The following WDR12 variants were observed in gnomAD, a reference collection of about 807,000 sequenced individuals.
WDR12 encodes the protein ribosome biogenesis protein WDR12.
WDR12 carries 42 observed loss-of-function variants against 64.3 expected under a neutral mutation model. The ratio of observed to expected loss-of-function variants is 0.65; its 90% CI spans 0.51 to 0.84. The LOEUF (loss-of-function observed/expected upper bound fraction) is 0.84, where lower values mean the gene tolerates loss of function less well. Ranked by LOEUF, WDR12 falls within the 40% of genes least tolerant of loss-of-function variation. The pLI, the probability that WDR12 is intolerant of heterozygous loss-of-function variation, is 0.00. For missense variants in WDR12, 469 were observed against 494.6 expected (o/e 0.95, Z 0.49); for synonymous variants, 158 against 173.3 (o/e 0.91, Z 0.70).
chr2:202,884,285 T>TA lies in WDR12; in HGVS notation c.900dup (p.Asn301Ter). Reference sequence around the variant, plus strand: ...CAAAGTGGAGAATAGGAAATACAATTAAACACTTTATTTCCTGTCTGAAAA... The same window carrying TA: ...CAAAGTGGAGAATAGGAAATACAATTAAAACACTTTATTTCCTGTCTGAAAA... On this transcript the variant is annotated frameshift_variant, in exon 10 of 13. Transcript: ENST00000261015. LOFTEE classifies it high-confidence loss of function. 2 of 1,614,082 alleles carry TA rather than the reference T, an allele frequency of 1.2e-6. No individual in the cohort carries two copies. The highest frequency in any genetic ancestry group is 1.7e-6 in the Non-Finnish European group (2 of 1,179,992).
chr2:202,889,022 C>T (rs1423734259), intron 8 of WDR12, among the ~76,000 whole-genome samples: 5 of 152,100 alleles, frequency 3.3e-5, no homozygotes, highest in Admixed American at 6.6e-5. Flanking sequence ...TTATTTCTAA[C>T]GCAGCAACAT....
chr2:202,886,361 C>T (rs1688048440), intron 8 of WDR12, among the ~76,000 whole-genome samples: 1 of 151,834 alleles, frequency 6.6e-6, no homozygotes, highest in South Asian at 2.1e-4. Context: ...GAGAGGCTTA[C>T]ATGGGAGGAT....
intron 3 of WDR12, among the ~76,000 whole-genome samples, 165 bp from the exon 4 acceptor site, chr2:202,899,802 C>T (rs1169470483): frequency 1.1e-4 from 16 of 152,076 alleles, no homozygotes; most frequent in Admixed American, 9.8e-4. Flanking sequence ...CTTTATTTGA[C>T]CTAACTGTAA....
In WDR12 at chr2:202,874,611, A is replaced by T. The variant is rs1687825009; in HGVS notation, c.*6249T>A. On this transcript the variant is annotated 3_prime_UTR_variant, in exon 13 of 13. Transcript: ENST00000261015. ...AAGGATTAGAGGTCTATTGAATCTG[A>T]CATCACACAAAAAGCTCTATTTCTT... 6.6e-6 allele frequency among the ~76,000 whole-genome samples: 1 copy of T among 152,202 alleles called. No homozygotes were observed. The highest frequency in any genetic ancestry group is 2.1e-4 in the South Asian group (1 of 4,830).
chr2:202,888,893 A>G (rs1222124052), intron 8 of WDR12, among the ~76,000 whole-genome samples: 3 of 152,006 alleles, frequency 2.0e-5, no homozygotes, highest in African/African-American at 7.3e-5. Context: ...TTAAATTTTT[A>G]GAGATGGGGT....
chr2:202,903,485 A>G (rs142105698), intron 2 of WDR12, among the ~76,000 whole-genome samples: 14 of 90,532 alleles, frequency 1.5e-4, no homozygotes, highest in East Asian at 1.3e-3. Context: ...GGAAGGAAGG[A>G]AGGAAGGAAG....
rs907105566 is a variant in WDR12, at chr2:202,894,482, G to C, written c.655+99C>G. ...AGTGATCCTTCTACCCTGGCTTCCT[G>C]AAGTGCTGAGATTATAGGCGTAAGC... On this transcript the variant is annotated intron_variant, in intron 7 of 12. Coordinates refer to ENST00000261015, the MANE Select transcript of WDR12 (RefSeq NM_018256.4). 2.5e-5 allele frequency: 26 copies of C among 1,027,436 alleles called. No individual in the cohort carries two copies. The South Asian group carries it at 4.7e-4, about 18-fold the overall frequency. The allele number at this position is 1,027,436 out of a possible 1,614,324, so 63.6% of individuals were successfully genotyped here. A position where few individuals can be genotyped will look rare whatever the true frequency, so the allele number is the denominator to read the frequency against.
At position 202,874,589 on chromosome 2, in the gene WDR12, G is replaced by A. The variant is rs903386802; in HGVS notation, c.*6271C>T. Among the ~76,000 whole-genome samples the A allele has an allele frequency of 6.6e-6, 1 of 152,168 alleles. No homozygotes were observed. The highest frequency in any genetic ancestry group is 2.4e-5 in the African/African-American group (1 of 41,436). On this transcript the variant is annotated 3_prime_UTR_variant, in exon 13 of 13. Coordinates refer to ENST00000261015, the MANE Select transcript of WDR12 (RefSeq NM_018256.4). ...TACTGTTTTGTACTGTTTTACTAAGGATTAGAGGTCTATTGAATCTGACAT... is the reference window on the plus strand; with the variant it reads ...TACTGTTTTGTACTGTTTTACTAAGAATTAGAGGTCTATTGAATCTGACAT...
intron 2 of WDR12, among the ~76,000 whole-genome samples, chr2:202,902,062 T>C (rs577963272): frequency 1.3e-5 from 2 of 152,332 alleles, no homozygotes; most frequent in South Asian, 4.1e-4. Context: ...TGAGAACCAA[T>C]ACTGTACTTA....
At position 202,911,640 on chromosome 2, in the gene WDR12, C is replaced by G. The variant is rs1574416233; in HGVS notation, c.-164G>C. On this transcript the variant is annotated 5_prime_UTR_variant, in exon 1 of 13. Coordinates refer to ENST00000261015, the MANE Select transcript of WDR12 (RefSeq NM_018256.4). ...TGGACTCTGCCTTCTGCCCTCCGGTCTCCTCTGCAGAAAGCACGAGGTTGC... is the reference window on the plus strand; with the variant it reads ...TGGACTCTGCCTTCTGCCCTCCGGTGTCCTCTGCAGAAAGCACGAGGTTGC... 2 of 676,780 alleles carry G rather than the reference C, an allele frequency of 3.0e-6. No homozygotes were observed. Among genetic ancestry groups the G allele is most frequent in the African/African-American group, 1.8e-5 (1 of 56,340 alleles). 41.9% of individuals were successfully genotyped at this position (676,780 alleles called of 1,614,324 possible). A position where few individuals can be genotyped will look rare whatever the true frequency, so the allele number is the denominator to read the frequency against.
intron 12 of WDR12, among the ~76,000 whole-genome samples, chr2:202,882,364 T>C (rs999010923): frequency 5.3e-5 from 8 of 152,074 alleles, no homozygotes; most frequent in African/African-American, 1.9e-4. Flanking sequence ...AGATGGAGTC[T>C]ATCTCCCAGG....
chr2:202,883,370 A>G, intron 11 of WDR12: 1 of 393,420 alleles, frequency 2.5e-6, no homozygotes, highest in South Asian at 3.0e-5. Flanking sequence ...ACCCAGCCTC[A>G]GGTGATCTGC....
In WDR12 at chr2:202,878,080, G is replaced by C. The variant is rs139734789; in HGVS notation, c.*2780C>G. 7.7e-4 allele frequency: 117 copies of C among 152,268 alleles called. No homozygotes were observed. Among genetic ancestry groups the C allele is most frequent in the African/African-American group, 2.4e-3 (98 of 41,522 alleles). The allele number at this position is 152,268 out of a possible 1,614,324, so 9.4% of individuals were successfully genotyped here. ...CAGGGATTGATCAGAGACAATACTT[G>C]TCCAAGAGACTTGGTCACTTACATT... On this transcript the variant is annotated 3_prime_UTR_variant, in exon 13 of 13. Coordinates refer to ENST00000261015, the MANE Select transcript of WDR12 (RefSeq NM_018256.4).
intron 4 of WDR12, among the ~76,000 whole-genome samples, chr2:202,897,898 A>T (rs1265074029): frequency 4.4e-5 from 2 of 45,384 alleles, no homozygotes; most frequent in Non-Finnish European, 1.1e-4. Context: ...CAAAAAAAAA[A>T]AAAAAAAAAA....
intron 2 of WDR12, among the ~76,000 whole-genome samples, chr2:202,906,483 A>G (rs1033260646): frequency 6.6e-6 from 1 of 152,234 alleles, no homozygotes. Context: ...AATACTACAC[A>G]TTAGTTTATA....
Position 202,911,578 on chromosome 2 carries a change from A to T in WDR12, c.-102T>A. On this transcript the variant is annotated 5_prime_UTR_variant, in exon 1 of 13. Coordinates refer to ENST00000261015, the MANE Select transcript of WDR12 (RefSeq NM_018256.4). The stretch of plus-strand genomic sequence containing the variant: ...GACTACAAAGAGGCAGCTCAAAATT[A>T]GACTGCACAGGTAAGCGAGGAACTG... The T allele has an allele frequency of 9.3e-7, 1 of 1,077,538 alleles. No individual in the cohort carries two copies. Among genetic ancestry groups the T allele is most frequent in the East Asian group, 2.4e-5 (1 of 42,392 alleles). The allele number at this position is 1,077,538 out of a possible 1,614,324, so 66.7% of individuals were successfully genotyped here.
At chr2:202,898,079 A>T (rs13028773) in intron 4 of WDR12, among the ~76,000 whole-genome samples, 1 of 27,768 alleles carries the variant, frequency 3.6e-5, no homozygotes, top group African/African-American at 6.5e-5. Context: ...AACCACCCCC[A>T]CCCAAAAAAA....
intron 11 of WDR12, chr2:202,883,366 C>G (rs771208474): frequency 2.6e-6 from 1 of 386,590 alleles, no homozygotes; most frequent in Non-Finnish European, 4.8e-6. Flanking sequence ...GAACACCCAG[C>G]CTCAGGTGAT....
At chr2:202,904,591 T>G (rs1574411038) in intron 2 of WDR12, among the ~76,000 whole-genome samples, 1 of 152,136 alleles carries the variant, frequency 6.6e-6, no homozygotes, top group South Asian at 2.1e-4. Flanking sequence ...TCTTCAATAA[T>G]GGTGCTGGAA....
Sources: allele counts gnomAD v4.1 joint callset (sites outside exome capture counted in the v4.1 genomes callset), GRCh38; gene constraint gnomAD v4.1.1; transcripts MANE v1.5; gene names NCBI Gene and HGNC (gene_info 2026-07-23, HGNC 2026-07-21).